The following AATF variants were observed in gnomAD, a reference collection of about 807,000 sequenced individuals.
AATF encodes the protein protein AATF.
In AATF, 48 loss-of-function variants were observed where a neutral mutation model predicts 63.7. The observed-to-expected ratio is 0.75, with a 90% CI of 0.60 to 0.96. AATF has a LOEUF of 0.96. AATF is among the 40% of genes least tolerant of loss of function. The pLI, the probability that AATF is intolerant of heterozygous loss-of-function variation, is 0.00. For synonymous variants in AATF, 258 were observed against 247.7 expected (o/e 1.04, Z -0.39); for missense variants, 639 against 685.7 (o/e 0.93, Z 0.76).
intron 11 of AATF, among the ~76,000 whole-genome samples, chr17:37,049,629 C>A (rs1479111033): frequency 1.3e-5 from 2 of 150,634 alleles, no homozygotes; most frequent in African/African-American, 4.9e-5. Context: ...AAAGGGAAAG[C>A]TGCTGTCCTG....
At chr17:37,021,729 C>T (rs1296166608) in intron 10 of AATF, among the ~76,000 whole-genome samples, 1 of 83,100 alleles carries the variant, frequency 1.2e-5, no homozygotes, top group Admixed American at 9.9e-5. Flanking sequence ...GGCGTGAACC[C>T]GGGAGGCGGA....
chr17:36,997,838 T>C (rs2071265989), intron 8 of AATF, among the ~76,000 whole-genome samples: 1 of 152,142 alleles, frequency 6.6e-6, no homozygotes, highest in African/African-American at 2.4e-5. Flanking sequence ...TGCCCATCAA[T>C]CAACGAGTGG....
intron 4 of AATF, among the ~76,000 whole-genome samples, chr17:36,982,233 G>GTTTTTTTTTT (rs61030839): frequency 1.6e-5 from 2 of 121,760 alleles, no homozygotes; most frequent in African/African-American, 2.9e-5. Flanking sequence ...TTTTTGTTTT[G>GTTTTTTTTTT]TTTTTTTTTT....
intron 11 of AATF, among the ~76,000 whole-genome samples, chr17:37,043,863 A>C (rs761798407): frequency 1.2e-4 from 18 of 152,174 alleles, no homozygotes; most frequent in Admixed American, 4.6e-4. Context: ...ATTCTTGAGA[A>C]TAAAATGTTC....
At position 37,051,756 on chromosome 17, in the gene AATF, C is replaced by T. The variant is rs1382325145; in HGVS notation, c.1620-4845C>T. 3.3e-5 allele frequency among the ~76,000 whole-genome samples: 5 copies of T among 150,678 alleles called. No homozygotes were observed. In the East Asian group the frequency reaches 5.8e-4, roughly 18 times the overall value. Reference sequence around the variant, plus strand: ...CACATTCTGTCTTTATGGAAAATGGCGGCTAATCCATGATCATTTTTTTTT... The same window carrying T: ...CACATTCTGTCTTTATGGAAAATGGTGGCTAATCCATGATCATTTTTTTTT... On this transcript the variant is annotated intron_variant, in intron 11 of 11. Coordinates refer to ENST00000619387, the MANE Select transcript of AATF (RefSeq NM_012138.4).
intron 6 of AATF, 144 bp downstream of exon 6, chr17:36,988,864 A>C (rs777268481): frequency 1.1e-4 from 92 of 824,366 alleles, no homozygotes; most frequent in South Asian, 1.3e-4. Flanking sequence ...AAATCTACTG[A>C]ACTTCTGGCA....
In AATF at chr17:36,989,347, A is replaced by C; in HGVS notation, c.1250A>C (p.Tyr417Ser). The C allele has an allele frequency of 6.2e-7, 1 of 1,614,120 alleles. No homozygotes were observed. Among genetic ancestry groups the C allele is most frequent in the South Asian group, 1.1e-5 (1 of 91,066 alleles). ...AGGACACAGACCAAGCGCTCTGTCT[A>C]TCGAGTTCTTGGCAAACCTGAGCCA... Reference protein sequence around the residue: ...LRRTQTKRSVYRVLGKPEPAA... With the variant: ...LRRTQTKRSVSRVLGKPEPAA... Residue 417 changes from tyrosine (Y) to serine (S), a missense_variant, in exon 7 of 12, where the codon TAT (tyrosine) becomes TCT (serine). Tyr to Ser is a moderately radical substitution (Grantham distance 144). Coordinates refer to ENST00000619387, the MANE Select transcript of AATF (RefSeq NM_012138.4).
chr17:36,952,500 T>G (rs2070863074), intron 2 of AATF, among the ~76,000 whole-genome samples: 1 of 152,270 alleles, frequency 6.6e-6, no homozygotes, highest in Admixed American at 6.5e-5. Flanking sequence ...CCAGTTGAAA[T>G]CTTACTGTTC....
At chr17:36,961,426 A>G (rs904335806) in intron 4 of AATF, among the ~76,000 whole-genome samples, 3 of 152,222 alleles carry the variant, frequency 2.0e-5, no homozygotes, top group Non-Finnish European at 2.9e-5. Context: ...ATTGAACCCA[A>G]TATATCAAAG....
At chr17:37,024,828 A>G (rs964641404) in intron 10 of AATF, among the ~76,000 whole-genome samples, 1 of 151,988 alleles carries the variant, frequency 6.6e-6, no homozygotes. Flanking sequence ...GTATGGTAGC[A>G]TGTGCCTGTA....
intron 11 of AATF, among the ~76,000 whole-genome samples, chr17:37,043,608 G>C (rs1281289953): frequency 6.6e-6 from 1 of 152,080 alleles, no homozygotes; most frequent in Non-Finnish European, 1.5e-5. Context: ...CTTGTATTTG[G>C]TATTATCGAG....
chr17:36,984,888 CT>C (rs1274464763), intron 4 of AATF, among the ~76,000 whole-genome samples: 3 of 150,652 alleles, frequency 2.0e-5, no homozygotes, highest in African/African-American at 7.3e-5. Context: ...TCATCCCGTC[CT>C]GGCCTCCCAC....
chr17:36,961,044 C>T (rs184963194), intron 4 of AATF, among the ~76,000 whole-genome samples: 175 of 152,282 alleles, frequency 1.1e-3, no homozygotes, highest in African/African-American at 4.1e-3. Flanking sequence ...TGCACACACA[C>T]ACACACCACA....
intron 4 of AATF, among the ~76,000 whole-genome samples, chr17:36,977,159 G>A (rs1013696019): frequency 3.9e-5 from 6 of 152,232 alleles, no homozygotes; most frequent in Non-Finnish European, 7.4e-5. Flanking sequence ...TCTGCCATGC[G>A]ACTTAGGCAA....
chr17:37,009,003 T>G (rs909479142), intron 8 of AATF, among the ~76,000 whole-genome samples: 8 of 152,228 alleles, frequency 5.3e-5, no homozygotes, highest in African/African-American at 1.9e-4. Flanking sequence ...GTGCTTGCTC[T>G]CATTTCCTGA....
At chr17:37,038,594 G>C (rs1211988538) in intron 11 of AATF, among the ~76,000 whole-genome samples, 5 of 152,024 alleles carry the variant, frequency 3.3e-5, no homozygotes, top group Admixed American at 1.3e-4. Flanking sequence ...TAAAAGTGTA[G>C]GTATTGAATT....
intron 11 of AATF, among the ~76,000 whole-genome samples, chr17:37,047,025 G>A (rs914509136): frequency 2.0e-5 from 3 of 152,216 alleles, no homozygotes; most frequent in South Asian, 2.1e-4. Flanking sequence ...GTGGCTTGAC[G>A]TTAATATTAA....
intron 4 of AATF, among the ~76,000 whole-genome samples, chr17:36,955,903 C>T (rs2070896060): frequency 6.6e-6 from 1 of 152,112 alleles, no homozygotes; most frequent in African/African-American, 2.4e-5. Context: ...GCTGGTACTA[C>T]AGGCATGAGC....
At chr17:36,982,643 C>T (rs1444315778) in intron 4 of AATF, among the ~76,000 whole-genome samples, 6 of 152,130 alleles carry the variant, frequency 3.9e-5, no homozygotes, top group African/African-American at 7.2e-5. Context: ...TGAGCCACCG[C>T]GCCCAGCCCA....
Sources: allele counts gnomAD v4.1 joint callset (sites outside exome capture counted in the v4.1 genomes callset), GRCh38; gene constraint gnomAD v4.1.1; transcripts MANE v1.5; gene names NCBI Gene and HGNC (gene_info 2026-07-23, HGNC 2026-07-21).